Variants in WNT9B observed in about 807,000 individuals in gnomAD.
WNT9B encodes the protein Wnt family member 9B, also known as protein Wnt-9b.
A neutral mutation model predicts 30.2 loss-of-function variants in WNT9B; 12 were observed. That is an observed-to-expected ratio of 0.40 (90% CI 0.26 to 0.64). The LOEUF is 0.64. WNT9B is among the 30% of genes least tolerant of loss of function. The pLI is 0.42. For missense variants in WNT9B, 442 were observed against 485.2 expected (o/e 0.91, Z 0.84); for synonymous variants, 218 against 216.9 (o/e 1.01, Z -0.05).
intron 1 of WNT9B, among the ~76,000 whole-genome samples, chr17:46,843,670 T>C (rs1363625095): frequency 6.6e-6 from 1 of 152,248 alleles, no homozygotes; most frequent in African/African-American, 2.4e-5. Flanking sequence ...GTTACTTGAC[T>C]TCTCTGTGCC....
At chr17:46,886,310 G>T (rs969144544) in exon 5 of WNT9B, 1 of 152,232 alleles carries the variant, frequency 6.6e-6, no homozygotes, top group African/African-American at 2.4e-5. Context: ...GGGGATGGAG[G>T]TTAAATGAGA....
At chr17:46,856,326 T>C (rs2084937461) in intron 1 of WNT9B, among the ~76,000 whole-genome samples, 2 of 152,182 alleles carry the variant, frequency 1.3e-5, no homozygotes, top group African/African-American at 4.8e-5. Context: ...ACATATGTGC[T>C]AAGTGCTCAG....
upstream of WNT9B, chr17:46,851,570 C>T (rs1449075329): frequency 2.3e-6 from 2 of 870,108 alleles, no homozygotes; most frequent in South Asian, 4.7e-5. This position sits in a 1 kb window ranked among gnomAD's most constrained non-coding sequence, Gnocchi z 4.3. Context: ...GTCCCGCGGG[C>T]GGGTGGTGGC....
At chr17:46,867,670 C>T (rs1411111752) in intron 1 of WNT9B, among the ~76,000 whole-genome samples, 4 of 152,160 alleles carry the variant, frequency 2.6e-5, no homozygotes, top group African/African-American at 7.2e-5. Flanking sequence ...GTCACCCCAG[C>T]GGGGCAGCTT....
chr17:46,841,800 G>A (rs2084717482), intron 1 of WNT9B, among the ~76,000 whole-genome samples: 1 of 152,260 alleles, frequency 6.6e-6, no homozygotes, highest in African/African-American at 2.4e-5. Context: ...GAGAGACCTT[G>A]AGCAACCACG....
chr17:46,838,912 C>G (rs1203643806), intron 1 of WNT9B, among the ~76,000 whole-genome samples: 1 of 152,138 alleles, frequency 6.6e-6, no homozygotes, highest in African/African-American at 2.4e-5. Flanking sequence ...GAGTCGCACT[C>G]TGTCGCCCAG....
intron 1 of WNT9B, among the ~76,000 whole-genome samples, chr17:46,836,273 G>A (rs980417480): frequency 1.2e-4 from 19 of 152,112 alleles, no homozygotes; most frequent in Admixed American, 1.2e-3. Flanking sequence ...TTCAACTGGG[G>A]CTCCCAGGGA....
intron 1 of WNT9B, among the ~76,000 whole-genome samples, chr17:46,838,280 G>A (rs578182800): frequency 3.3e-5 from 5 of 151,292 alleles, no homozygotes; most frequent in African/African-American, 9.7e-5. Context: ...AGGAACAGCC[G>A]AGTGGGTCAG....
At chr17:46,858,776 C>T (rs2084981926) in intron 1 of WNT9B, among the ~76,000 whole-genome samples, 1 of 152,116 alleles carries the variant, frequency 6.6e-6, no homozygotes, top group Admixed American at 6.6e-5. Context: ...AAGTGATCCT[C>T]CTGCCTTAGC....
intron 2 of WNT9B, among the ~76,000 whole-genome samples, chr17:46,873,924 G>C (rs1002156976): frequency 6.6e-6 from 1 of 151,636 alleles, no homozygotes. Flanking sequence ...GGGAGGTGGA[G>C]GTTGCAGTGA....
intron 1 of WNT9B, among the ~76,000 whole-genome samples, chr17:46,840,221 G>T (rs1164857948): frequency 6.6e-6 from 1 of 151,830 alleles, no homozygotes; most frequent in Non-Finnish European, 1.5e-5. Flanking sequence ...CGAGTAGCTG[G>T]TACTACAGGT....
upstream of WNT9B, among the ~76,000 whole-genome samples, chr17:46,847,754 G>C (rs994990027): frequency 6.6e-6 from 1 of 152,174 alleles, no homozygotes; most frequent in African/African-American, 2.4e-5. Flanking sequence ...TTAGAGGAGA[G>C]AGCCAGCCTG....
downstream of WNT9B, among the ~76,000 whole-genome samples, chr17:46,882,204 G>A (rs893290313): frequency 6.6e-6 from 1 of 152,158 alleles, no homozygotes; most frequent in African/African-American, 2.4e-5. Context: ...CCTGGCCCAG[G>A]ATCCACTCAA....
At chr17:46,882,757 G>A (rs979434737), downstream of WNT9B, among the ~76,000 whole-genome samples, 1 of 152,136 alleles carries the variant, frequency 6.6e-6, no homozygotes, top group Admixed American at 6.6e-5. Flanking sequence ...TATGGTGCAC[G>A]AGGCACGTGA....
At position 46,879,947 on chromosome 17, in the gene WNT9B, G is replaced by T. The variant is rs1333646956; in HGVS notation, c.*3229G>T. On this transcript the variant is annotated 3_prime_UTR_variant, in exon 4 of 4. Transcript: ENST00000290015. ...TCCTTCTGCCCACACTGCCCAAGAA[G>T]CTTGGGCTACACCACTGGGCCCCTC... Among the ~76,000 whole-genome samples the T allele has an allele frequency of 6.6e-6, 1 of 152,224 alleles. No homozygotes were observed. Among genetic ancestry groups the T allele is most frequent in the Non-Finnish European group, 1.5e-5 (1 of 68,024 alleles).
In WNT9B at chr17:46,872,718, C is replaced by A; in HGVS notation, c.279C>A (p.Phe93Leu). 6.2e-7 allele frequency: 1 copy of A among 1,613,178 alleles called. No homozygotes were observed. The highest frequency in any genetic ancestry group is 8.5e-7 in the Non-Finnish European group (1 of 1,179,946). Residue 93 changes from phenylalanine (F) to leucine (L), a missense_variant, in exon 2 of 4, where the codon TTC becomes TTA. Coordinates refer to ENST00000290015, the MANE Select transcript of WNT9B (RefSeq NM_003396.3). ...GCCTGCTTGAGTGCCAGTTTCAGTT[C>A]CGGCATGAGCGCTGGAACTGTAGCC... ...HLGLLECQFQ[F>L]RHERWNCSLE...
At position 46,836,095 on chromosome 17, in the gene WNT9B, C is replaced by CGCGTGTGTGTGTGT. The variant is rs1555692748; in HGVS notation, c.95+2656_95+2657insCGTGTGTGTGTGTG. Among the ~76,000 whole-genome samples, 5 of 126,504 alleles carry CGCGTGTGTGTGTGT rather than the reference C, an allele frequency of 4.0e-5. No individual in the cohort carries two copies. In the East Asian group the frequency reaches 1.3e-3, roughly 34 times the overall value. 83.0% of individuals were successfully genotyped at this position (126,504 alleles called of 152,430 possible). A position where few individuals can be genotyped will look rare whatever the true frequency, so the allele number is the denominator to read the frequency against. On this transcript the variant is annotated intron_variant, in intron 1 of 2. Transcript: ENST00000575372. ...GGAACAGCAGCTGGAGAGACGCTGA[C>CGCGTGTGTGTGTGT]GTGTGTGTGTGTGTGTGTGTGTGTG...
chr17:46,858,724 T>G (rs2084980954), intron 1 of WNT9B, among the ~76,000 whole-genome samples: 2 of 152,186 alleles, frequency 1.3e-5, no homozygotes, highest in Non-Finnish European at 2.9e-5. Flanking sequence ...ACTAAATGTG[T>G]TACACAATCA....
chr17:46,841,354 G>A (rs1363695919), intron 1 of WNT9B, among the ~76,000 whole-genome samples: 2 of 152,232 alleles, frequency 1.3e-5, no homozygotes, highest in Non-Finnish European at 2.9e-5. Flanking sequence ...CTGGATCAGA[G>A]ACACTGCTGT....
Sources: allele counts gnomAD v4.1 joint callset (sites outside exome capture counted in the v4.1 genomes callset), GRCh38; gene constraint gnomAD v4.1.1; non-coding constraint Gnocchi (gnomAD v3.1); transcripts MANE v1.5; gene names NCBI Gene and HGNC (gene_info 2026-07-23, HGNC 2026-07-21).